Variants in AXL observed in about 807,000 individuals in gnomAD.
AXL encodes tyrosine-protein kinase receptor UFO.
In AXL, 52 loss-of-function variants were observed where a neutral mutation model predicts 104.5. The observed-to-expected ratio is 0.50, with a 90% CI of 0.40 to 0.63. AXL has a LOEUF of 0.63. Ranked by LOEUF, AXL falls within the 20% of genes least tolerant of loss-of-function variation. The pLI is 0.00. For missense variants in AXL, 1,024 were observed against 1,188.5 expected (o/e 0.86, Z 2.04); for synonymous variants, 455 against 473.7 (o/e 0.96, Z 0.51).
At chr19:41,237,335 C>T (rs2034097243) in intron 6 of AXL, among the ~76,000 whole-genome samples, 1 of 152,136 alleles carries the variant, frequency 6.6e-6, no homozygotes, top group Non-Finnish European at 1.5e-5. Context: ...CTCTGCCTCC[C>T]AGGTTCAAGT....
chr19:41,252,286 T>G, intron 14 of AXL, 65 bp from the exon 15 acceptor site: 1 of 1,223,270 alleles, frequency 8.2e-7, no homozygotes, highest in Non-Finnish European at 1.2e-6. Flanking sequence ...GATGATGGAG[T>G]GGAGGTGGAG....
At chr19:41,226,774 C>G in intron 4 of AXL, 1 of 985,750 alleles carries the variant, frequency 1.0e-6, no homozygotes, top group South Asian at 4.7e-5. Flanking sequence ...GTAAACAACA[C>G]GCAGAACTGC....
At chr19:41,239,443 C>A in intron 9 of AXL, 129 bp downstream of exon 9, 2 of 1,345,826 alleles carry the variant, frequency 1.5e-6, no homozygotes, top group African/African-American at 1.4e-5. Flanking sequence ...CTGAGAGCTG[C>A]CCTCACTCCC....
intron 19 of AXL, 139 bp downstream of exon 19, chr19:41,257,768 C>A: frequency 1.8e-6 from 2 of 1,114,970 alleles, no homozygotes; most frequent in Non-Finnish European, 2.6e-6. Context: ...TGCCCCTCAC[C>A]AATGCTCTGA....
Position 41,252,373 on chromosome 19 carries a change from G to A in AXL, c.1734G>A (p.Glu578=). 6.2e-7 allele frequency: 1 copy of A among 1,613,906 alleles called. No homozygotes were observed. The highest frequency in any genetic ancestry group is 8.5e-7 in the Non-Finnish European group (1 of 1,179,952). Residue 578 remains glutamate (E), a synonymous_variant, in exon 15 of 20, where the codon GAG becomes GAA. Transcript: ENST00000301178. ...TMKIAICTRS[E]LEDFLSEAVC... is the part of the protein sequence containing the mutation. ...AAGTTGCCATCTGCACGAGGTCAGA[G>A]CTGGAGGATTTCCTGAGTGAAGCGG...
intron 6 of AXL, among the ~76,000 whole-genome samples, chr19:41,234,920 ATG>A (rs1469467967): frequency 6.6e-6 from 1 of 152,186 alleles, no homozygotes; most frequent in African/African-American, 2.4e-5. Flanking sequence ...TTGTGGTTCC[ATG>A]TGGCAGGGCT....
At chr19:41,245,728 A>C (rs1408375498) in intron 12 of AXL, among the ~76,000 whole-genome samples, 5 of 151,974 alleles carry the variant, frequency 3.3e-5, no homozygotes, top group African/African-American at 1.2e-4. Flanking sequence ...AAAAAAAAAA[A>C]AAAAAGGAAT....
At chr19:41,257,845 G>C (rs185258317) in intron 19 of AXL, among the ~76,000 whole-genome samples, 40 of 152,302 alleles carry the variant, frequency 2.6e-4, no homozygotes, top group African/African-American at 9.4e-4. Flanking sequence ...TTGTCTGTGT[G>C]GGCTGAATCA....
chr19:41,243,821 C>T, intron 12 of AXL, 114 bp downstream of exon 12: 1 of 813,352 alleles, frequency 1.2e-6, no homozygotes. Flanking sequence ...CCTTGGGATA[C>T]TAGAATGTCA....
rs925326373 is a variant in AXL at position 41,252,455 on chromosome 19, G to T, written c.1804+12G>T. ...CATGAGGCTCATCGGTGAGAGAGGGGCAGATTCAAGGGGTCTACAAGCCCC... is the reference window on the plus strand; with the variant it reads ...CATGAGGCTCATCGGTGAGAGAGGGTCAGATTCAAGGGGTCTACAAGCCCC... On this transcript the variant is annotated intron_variant, in intron 15 of 19. Coordinates refer to ENST00000301178, the MANE Select transcript of AXL (RefSeq NM_021913.5). 1 of 1,613,204 alleles carries T rather than the reference G, an allele frequency of 6.2e-7. No homozygotes were observed. Among genetic ancestry groups the T allele is most frequent in the Non-Finnish European group, 8.5e-7 (1 of 1,179,232 alleles).
intron 17 of AXL, among the ~76,000 whole-genome samples, chr19:41,255,768 TCTCA>T (rs1319019819): frequency 1.3e-5 from 2 of 148,762 alleles, no homozygotes; most frequent in Admixed American, 6.7e-5. Context: ...TGAGACGGAG[TCTCA>T]CTCACTCTGT....
chr19:41,225,431 G>A (rs1187023619), intron 4 of AXL, among the ~76,000 whole-genome samples: 4 of 152,204 alleles, frequency 2.6e-5, no homozygotes, highest in African/African-American at 9.7e-5. Flanking sequence ...TGTCTGAGCA[G>A]GTCAAAATGA....
At chr19:41,256,187 T>A (rs757587946) in intron 17 of AXL, among the ~76,000 whole-genome samples, 5 of 152,096 alleles carry the variant, frequency 3.3e-5, no homozygotes, top group Non-Finnish European at 5.9e-5. Flanking sequence ...CATCAAGGAA[T>A]CAAACCCAAG....
chr19:41,238,658 G>A, intron 8 of AXL, 49 bp downstream of exon 8: 1 of 1,566,452 alleles, frequency 6.4e-7, no homozygotes, highest in Non-Finnish European at 8.7e-7. Context: ...GGAGGAGGGA[G>A]GAGAACATAT....
chr19:41,256,474 T>G lies in AXL; in HGVS notation c.2059T>G (p.Cys687Gly). The G allele has an allele frequency of 1.9e-6, 3 of 1,614,034 alleles. No individual in the cohort carries two copies. The highest frequency in any genetic ancestry group is 2.5e-6 in the Non-Finnish European group (3 of 1,179,922). ...CAGGCTGAATGAGAACATGTCCGTG[T>G]GTGTGGCGGACTTCGGGCTCTCCAA... ...NCMLNENMSV[C>G]VADFGLSKKI... Residue 687 changes from cysteine (C) to glycine (G), a missense_variant, in exon 18 of 20, where the codon TGT becomes GGT. By Grantham distance (159) the Cys-to-Gly change is radical. Transcript: ENST00000301178.
At chr19:41,233,750 G>C (rs971287971) in intron 6 of AXL, among the ~76,000 whole-genome samples, 19 of 150,140 alleles carry the variant, frequency 1.3e-4, no homozygotes, top group Admixed American at 1.2e-3. Flanking sequence ...CCCCTCCCCG[G>C]GGCTAGAAAG....
At chr19:41,229,871 T>G (rs1226753410) in intron 4 of AXL, among the ~76,000 whole-genome samples, 1 of 152,054 alleles carries the variant, frequency 6.6e-6, no homozygotes, top group Non-Finnish European at 1.5e-5. Flanking sequence ...TCCCTAAGTG[T>G]GTCTAGCAGG....
Position 41,252,332 on chromosome 19 carries a change from C to G in AXL, c.1712-19C>G. ...CCCTCTCCTCCCCTCCTCCTCACGA[C>G]CTTTCTCTCTCCCTCAAGTTGCCAT... On this transcript the variant is annotated intron_variant, in intron 14 of 19. Transcript: ENST00000301178. 6.2e-7 allele frequency: 1 copy of G among 1,611,604 alleles called. No individual in the cohort carries two copies. The highest frequency in any genetic ancestry group is 1.3e-5 in the African/African-American group (1 of 74,870).
At chr19:41,239,522 C>CA (rs1327087204) in intron 9 of AXL, among the ~76,000 whole-genome samples, 172 bp from the exon 10 acceptor site, 1 of 151,484 alleles carries the variant, frequency 6.6e-6, no homozygotes, top group Non-Finnish European at 1.5e-5. Flanking sequence ...GCCACACCCT[C>CA]ACTCCCTTAC....
Sources: gnomAD v4.1 joint callset for allele counts (sites outside exome capture counted in the v4.1 genomes callset) on GRCh38, gnomAD v4.1.1 for gene constraint, MANE v1.5 for transcripts, NCBI Gene and HGNC (gene_info 2026-07-23, HGNC 2026-07-21) for gene names.